Variants in DMXL1 observed in about 807,000 individuals in gnomAD.
The protein encoded by DMXL1 is Dmx like 1, also known as dmX-like protein 1.
A neutral mutation model predicts 319.2 loss-of-function variants in DMXL1; 99 were observed. The observed-to-expected ratio is 0.31, with a 90% CI of 0.26 to 0.37. DMXL1 has a LOEUF of 0.37. Among genes scored for constraint, DMXL1 ranks in the 10% least tolerant of loss-of-function variants. The pLI is 1.00. For synonymous variants in DMXL1, 1,385 were observed against 1,235.2 expected (o/e 1.12, Z -2.54); for missense variants, 3,745 against 3,595.6 (o/e 1.04, Z -1.06).
At chr5:119,193,502 T>G (rs1779066264) in intron 29 of DMXL1, among the ~76,000 whole-genome samples, 1 of 152,174 alleles carries the variant, frequency 6.6e-6, no homozygotes, top group East Asian at 1.9e-4. Context: ...ATACAGTTTG[T>G]ATTTAGTTTT....
intron 15 of DMXL1, 28 bp from the exon 16 acceptor site, chr5:119,146,809 C>T (rs1561714914): frequency 1.9e-6 from 3 of 1,596,868 alleles, no homozygotes; most frequent in Non-Finnish European, 2.6e-6. Flanking sequence ...CACATAGTAA[C>T]AGTGAAAAAT....
At position 119,166,598 on chromosome 5, in the gene DMXL1, AT is replaced by A. The variant is rs746277998; in HGVS notation, c.4971-10del. The A allele has an allele frequency of 7.6e-6, 12 of 1,575,158 alleles. No homozygotes were observed. The highest frequency in any genetic ancestry group is 6.3e-5 in the Admixed American group (3 of 47,694). ...AATTGTATTCCAAAATTTTCACACCATTTTTTTTCCTTTATAGAGCTGAAAA... is the reference window on the plus strand; with the variant it reads ...AATTGTATTCCAAAATTTTCACACCATTTTTTTCCTTTATAGAGCTGAAAA... On this transcript the variant is annotated splice_polypyrimidine_tract_variant and intron_variant, in intron 21 of 43. Transcript: ENST00000539542.
At position 119,237,310 on chromosome 5, in the gene DMXL1, T is replaced by C. The variant is rs1316761816; in HGVS notation, c.8467-12T>C. On this transcript the variant is annotated splice_polypyrimidine_tract_variant and intron_variant, in intron 39 of 43. Transcript: ENST00000539542. ...TTATATTAAATACTTTTAAATATTT[T>C]CTTTCTCTAAGTTTGGAATAGTTGA... 2.0e-6 allele frequency: 3 copies of C among 1,486,410 alleles called. No homozygotes were observed. Among genetic ancestry groups the C allele is most frequent in the Non-Finnish European group, 2.8e-6 (3 of 1,075,058 alleles). 92.1% of individuals were successfully genotyped at this position (1,486,410 alleles called of 1,614,324 possible).
chr5:119,120,153 C>T (rs1004717547), intron 8 of DMXL1, among the ~76,000 whole-genome samples: 1 of 152,226 alleles, frequency 6.6e-6, no homozygotes. Flanking sequence ...ACTGCCTTGG[C>T]CTCCCAAAGT....
intron 29 of DMXL1, among the ~76,000 whole-genome samples, chr5:119,191,494 C>G (rs764195654): frequency 2.2e-4 from 34 of 152,154 alleles, no homozygotes; most frequent in Non-Finnish European, 4.1e-4. Context: ...TTAAGCACTT[C>G]ATTTATCTAG....
rs78798178 is a variant in DMXL1 at position 119,140,498 on chromosome 5, A to G, written c.2377-3343A>G. Among the ~76,000 whole-genome samples, 412 of 152,298 alleles carry G rather than the reference A, an allele frequency of 2.7e-3. 5 individuals are homozygous for G. Among genetic ancestry groups the G allele is most frequent in the East Asian group, 0.019 (101 of 5,188 alleles). ...ACGAACACCTCTGTGCACACAGACT[A>G]CAAAACCTACAAGGGATGGATAAAT... On this transcript the variant is annotated intron_variant, in intron 13 of 43. Transcript: ENST00000539542.
intron 40 of DMXL1, 146 bp downstream of exon 40, chr5:119,237,560 T>A: frequency 1.8e-6 from 1 of 548,146 alleles, no homozygotes; most frequent in Non-Finnish European, 3.3e-6. Flanking sequence ...ATTCTGTCCT[T>A]GTGTTATGTG....
At chr5:119,203,265 A>T (rs1781145997) in intron 32 of DMXL1, 54 bp from the exon 33 acceptor site, 3 of 1,155,818 alleles carry the variant, frequency 2.6e-6, no homozygotes, top group Non-Finnish European at 3.7e-6. Flanking sequence ...ATTGTTATCA[A>T]GTTAGTCAGA....
intron 16 of DMXL1, 121 bp from the exon 17 acceptor site, chr5:119,147,128 C>T (rs1768740532): frequency 9.0e-7 from 1 of 1,108,546 alleles, no homozygotes; most frequent in Non-Finnish European, 1.3e-6. Flanking sequence ...TGTGAAGAAT[C>T]ATATTAATAT....
In DMXL1 at chr5:119,248,522, A is replaced by G. The variant is rs1371772349; in HGVS notation, c.*1303A>G. The G allele has an allele frequency of 6.6e-6, 1 of 152,492 alleles. No individual in the cohort carries two copies. The highest frequency in any genetic ancestry group is 2.1e-4 in the South Asian group (1 of 4,834). 9.4% of individuals were successfully genotyped at this position (152,492 alleles called of 1,614,324 possible). A position where few individuals can be genotyped will look rare whatever the true frequency, so the allele number is the denominator to read the frequency against. On this transcript the variant is annotated 3_prime_UTR_variant, in exon 44 of 44. Coordinates refer to ENST00000539542, the MANE Select transcript of DMXL1 (RefSeq NM_001290321.3). ...GATGGGACTAAGTGTTTATGGGACAATTATGTACTATTTAACTTAAATATA... is the reference window on the plus strand; with the variant it reads ...GATGGGACTAAGTGTTTATGGGACAGTTATGTACTATTTAACTTAAATATA...
At chr5:119,158,668 AAT>A (rs1189961233) in intron 19 of DMXL1, among the ~76,000 whole-genome samples, 1 of 152,126 alleles carries the variant, frequency 6.6e-6, no homozygotes, top group African/African-American at 2.4e-5. Flanking sequence ...TTCTACACCT[AAT>A]TTGGGAGAGT....
intron 28 of DMXL1, among the ~76,000 whole-genome samples, chr5:119,180,079 A>G (rs1406763899): frequency 6.6e-6 from 1 of 152,182 alleles, no homozygotes; most frequent in African/African-American, 2.4e-5. Flanking sequence ...TTGGATTGCA[A>G]TTTGCCAACC....
At chr5:119,121,996 G>A (rs1408477226) in intron 9 of DMXL1, among the ~76,000 whole-genome samples, 2 of 146,030 alleles carry the variant, frequency 1.4e-5, no homozygotes, top group Non-Finnish European at 3.1e-5. Context: ...CCGGGCAGAG[G>A]CGCCCCTCAC....
chr5:119,126,948 C>CAAA (rs1399227580), intron 9 of DMXL1: 2 of 166,378 alleles, frequency 1.2e-5, no homozygotes, highest in African/African-American at 4.9e-5. Context: ...CAGAGTCCTT[C>CAAA]AGTTTTTGAA....
At position 119,165,040 on chromosome 5, in the gene DMXL1, T is replaced by C. The variant is rs987179515; in HGVS notation, c.4873-143T>C. ...GTAAGTCACTTTTGTTATTATTTTATATATACATGCACATATTATTCATAT... is the reference window on the plus strand; with the variant it reads ...GTAAGTCACTTTTGTTATTATTTTACATATACATGCACATATTATTCATAT... On this transcript the variant is annotated intron_variant, in intron 20 of 43. Coordinates refer to ENST00000539542, the MANE Select transcript of DMXL1 (RefSeq NM_001290321.3). The C allele has an allele frequency of 5.5e-6, 3 of 548,392 alleles. No homozygotes were observed. In the Admixed American group the frequency reaches 1.1e-4, roughly 19 times the overall value. The allele number at this position is 548,392 out of a possible 1,614,324, so 34.0% of individuals were successfully genotyped here. A position where few individuals can be genotyped will look rare whatever the true frequency, so the allele number is the denominator to read the frequency against.
At chr5:119,225,585 T>C (rs943228245) in intron 38 of DMXL1, among the ~76,000 whole-genome samples, 1 of 152,122 alleles carries the variant, frequency 6.6e-6, no homozygotes, top group South Asian at 2.1e-4. Context: ...AACTTTTCTC[T>C]TGGGAGATAT....
chr5:119,175,486 T>C (rs983664300), intron 26 of DMXL1, 149 bp downstream of exon 26: 7 of 565,846 alleles, frequency 1.2e-5, no homozygotes, highest in Admixed American at 3.6e-5. Context: ...TTTGTTCATA[T>C]TTGAAATTTT....
At position 119,177,380 on chromosome 5, in the gene DMXL1, C is replaced by T. The variant is rs948880415; in HGVS notation, c.6782C>T (p.Thr2261Ile). 4 of 1,564,074 alleles carry T rather than the reference C, an allele frequency of 2.6e-6. No homozygotes were observed. Among genetic ancestry groups the T allele is most frequent in the Middle Eastern group, 1.7e-4 (1 of 5,846 alleles). The change falls in exon 27 of 44, where the codon ACT (threonine) becomes ATT (isoleucine). Residue 2261 changes from threonine (T) to isoleucine (I), a missense_variant. Physicochemically the swap from Thr to Ile is moderately conservative, Grantham distance 89 (BLOSUM62 -1). Around this residue, in one of 4 missense-constraint regions of DMXL1, gnomAD observed 1,382 missense variants for 1,269.5 expected, o/e 1.09. Coordinates refer to ENST00000539542, the MANE Select transcript of DMXL1 (RefSeq NM_001290321.3). Reference protein sequence around the residue: ...NYSSFQTNQFTGMVYQTVLLP... With the variant: ...NYSSFQTNQFIGMVYQTVLLP... The stretch of plus-strand genomic sequence containing the variant: ...AGTTCATTTCAGACGAATCAGTTTA[C>T]TGGAATGGTATATCAGACAGTACTG...
chr5:119,147,300 A>G lies in DMXL1; in HGVS notation c.2741A>G (p.His914Arg), dbSNP rs201721964. 61 of 1,613,556 alleles carry G rather than the reference A, an allele frequency of 3.8e-5. No individual in the cohort carries two copies. The East Asian group carries it at 9.8e-4, about 26-fold the overall frequency. The change falls in exon 17 of 44, where the codon CAT (histidine) becomes CGT (arginine). Residue 914 changes from histidine to arginine, a missense_variant. By Grantham distance (29) the His-to-Arg change is conservative. Coordinates refer to ENST00000539542, the MANE Select transcript of DMXL1 (RefSeq NM_001290321.3). ...GAAGCGGTTTGGCAGCCAGAAGAAC[A>G]TTATTCTTCTTCTCCAGAGAAGATC... ...LSEAVWQPEE[H>R]YSSSPEKILS...
Sources: allele counts gnomAD v4.1 joint callset (sites outside exome capture counted in the v4.1 genomes callset), GRCh38; gene constraint gnomAD v4.1.1; regional missense constraint gnomAD v4.1.1; transcripts MANE v1.5; gene names NCBI Gene and HGNC (gene_info 2026-07-23, HGNC 2026-07-21).